The following FAT3 variants were observed in gnomAD, a reference collection of about 807,000 sequenced individuals.
FAT3 encodes the protein FAT atypical cadherin 3, also known as protocadherin Fat 3.
FAT3 carries 95 observed loss-of-function variants against 310.2 expected under a neutral mutation model. The ratio of observed to expected loss-of-function variants is 0.31; its 90% CI spans 0.26 to 0.36. FAT3 has a LOEUF of 0.36. Ranked by LOEUF, FAT3 falls within the 10% of genes least tolerant of loss-of-function variation. FAT3 has a pLI of 1.00. For synonymous variants in FAT3, 2,314 were observed against 2,192.9 expected, an observed-to-expected ratio of 1.06 and a Z score of -1.54; for missense variants, 5,408 against 5,715.6, an observed-to-expected ratio of 0.95 and a Z score of 1.74.
At chr11:92,843,810 A>G (rs1214437801) in intron 18 of FAT3, 124 bp from the exon 19 acceptor site, 2 of 908,988 alleles carry the variant, frequency 2.2e-6, no homozygotes, top group Non-Finnish European at 3.4e-6. Flanking sequence ...TTTTCAGAAT[A>G]GTGGCAAGGA....
At chr11:92,255,431 C>G (rs1321369794) in intron 1 of FAT3, among the ~76,000 whole-genome samples, 1 of 151,666 alleles carries the variant, frequency 6.6e-6, no homozygotes, top group Non-Finnish European at 1.5e-5. Context: ...TACTCACTCC[C>G]TAGCACAGTC....
chr11:92,834,911 A>C lies in FAT3; in HGVS notation c.9913A>C (p.Lys3305Gln). 1.2e-6 allele frequency: 2 copies of C among 1,612,868 alleles called. No homozygotes were observed. Among genetic ancestry groups the C allele is most frequent in the Admixed American group, 1.7e-5 (1 of 59,908 alleles). Residue 3305 changes from lysine to glutamine, a missense_variant, in exon 15 of 28, where the codon AAA becomes CAA. Lys to Gln is a moderately conservative substitution (Grantham distance 53, BLOSUM62 1). This residue lies in a region of FAT3 where 4,588 missense variants were observed against 4,809.8 expected (regional missense o/e 0.95). Transcript: ENST00000525166. ...VSEVLDYELC[K>Q]RFYLVVEAKD... ...TGAAGTCCTGGACTATGAATTATGC[A>C]AAAGGTTTTACCTGGTAGTGGAAGC... is the stretch of plus-strand genomic sequence containing the variant.
At position 92,354,792 on chromosome 11, in the gene FAT3, C is replaced by T. The variant is rs1175548368; in HGVS notation, c.2680C>T (p.Arg894Trp). 1.4e-5 allele frequency: 23 copies of T among 1,613,832 alleles called. No individual in the cohort carries two copies. Among genetic ancestry groups the T allele is most frequent in the South Asian group, 3.3e-5 (3 of 91,078 alleles). The change falls in exon 2 of 28, where the codon CGG becomes TGG. Residue 894 changes from arginine to tryptophan, a missense_variant. By Grantham distance (101) the Arg-to-Trp change is moderately radical. Coordinates refer to ENST00000525166, the MANE Select transcript of FAT3 (RefSeq NM_001367949.2). Reference protein sequence around the residue: ...GIVYVADQLDRESKANYSLKI... With the variant: ...GIVYVADQLDWESKANYSLKI... Reference sequence around the variant, plus strand: ...CGTTTATGTAGCCGACCAGTTGGACCGGGAATCCAAAGCCAATTATTCTTT... The same window carrying T: ...CGTTTATGTAGCCGACCAGTTGGACTGGGAATCCAAAGCCAATTATTCTTT...
chr11:92,570,601 A>G (rs1426488251), intron 3 of FAT3, among the ~76,000 whole-genome samples: 3 of 152,306 alleles, frequency 2.0e-5, no homozygotes, highest in East Asian at 1.9e-4. Flanking sequence ...AAGAAAACCT[A>G]TAGGTAAGAT....
Position 92,800,662 on chromosome 11 carries a change from G to C in FAT3, c.7649G>C (p.Gly2550Ala), listed in dbSNP as rs780254083. ...AKDRFLIDSN[G>A]QVITTERLDR... ...GATCGATTCCTCATAGACAGCAATGGGCAGGTCATCACCACAGAAAGGCTA... is the reference window on the plus strand; with the variant it reads ...GATCGATTCCTCATAGACAGCAATGCGCAGGTCATCACCACAGAAAGGCTA... The change falls in exon 10 of 28, where the codon GGG (glycine) becomes GCG (alanine). Residue 2550 changes from glycine to alanine, a missense_variant. Gly to Ala is a moderately conservative substitution (Grantham distance 60). Coordinates refer to ENST00000525166, the MANE Select transcript of FAT3 (RefSeq NM_001367949.2). The C allele has an allele frequency of 6.2e-7, 1 of 1,613,652 alleles. No homozygotes were observed. The highest frequency in any genetic ancestry group is 8.5e-7 in the Non-Finnish European group (1 of 1,179,832).
chr11:92,355,180 C>A lies in FAT3; in HGVS notation c.3068C>A (p.Ser1023Tyr). The stretch of plus-strand genomic sequence containing the variant: ...AAAGGGCGGCCTGTCTCTCTGTCAT[C>A]TGTTTCCTTTGTTGAGGTGGAAGTG... ...KDKGRPVSLS[S>Y]VSFVEVEVVD... Residue 1023 changes from serine to tyrosine, a missense_variant, in exon 2 of 28, where the codon TCT becomes TAT. Physicochemically the swap from Ser to Tyr is moderately radical, Grantham distance 144 (BLOSUM62 -2). This residue lies in a region of FAT3 where 4,588 missense variants were observed against 4,809.8 expected (regional missense o/e 0.95). Coordinates refer to ENST00000525166, the MANE Select transcript of FAT3 (RefSeq NM_001367949.2). The A allele has an allele frequency of 1.2e-6, 2 of 1,613,832 alleles. No homozygotes were observed. The highest frequency in any genetic ancestry group is 2.2e-5 in the South Asian group (2 of 91,076).
intron 1 of FAT3, chr11:92,314,307 C>G: frequency 1.0e-6 from 1 of 981,180 alleles, no homozygotes; most frequent in Non-Finnish European, 1.2e-6. Flanking sequence ...AGATGTATTT[C>G]TTCAGGTATG....
At chr11:92,499,723 A>ATGTGTGTGTATGTGTGTGTGTGTATG (rs1952876521) in intron 2 of FAT3, among the ~76,000 whole-genome samples, 15 of 127,830 alleles carry the variant, frequency 1.2e-4, no homozygotes, top group African/African-American at 3.1e-4. Flanking sequence ...ATGTGTGTGT[A>ATGTGTGTGTATGTGTGTGTGTGTATG]TGTGTGTGTG....
In FAT3 at chr11:92,801,741, G is replaced by A. The variant is rs138366702; in HGVS notation, c.8728G>A (p.Val2910Ile). ...ATTCTCTCTTTCCTCCACGGCCTTG[G>A]TCTCTGTCAGAGTGACAGATATAAA... ...EAFSLSSTAL[V>I]SVRVTDINDN... The change falls in exon 10 of 28, where the codon GTC (valine) becomes ATC (isoleucine). Residue 2910 changes from valine to isoleucine, a missense_variant. Transcript: ENST00000525166. 7.4e-6 allele frequency: 12 copies of A among 1,613,918 alleles called. No individual in the cohort carries two copies. The East Asian group carries it at 2.7e-4, about 36-fold the overall frequency.
At chr11:92,753,463 A>G (rs531665503) in intron 4 of FAT3, among the ~76,000 whole-genome samples, 93 of 152,354 alleles carry the variant, frequency 6.1e-4, no homozygotes, top group Middle Eastern at 6.8e-3. Context: ...CTTTTTCTGT[A>G]TAGCTACAAC....
chr11:92,320,814 G>C (rs1947595141), intron 1 of FAT3, among the ~76,000 whole-genome samples: 1 of 151,174 alleles, frequency 6.6e-6, no homozygotes, highest in South Asian at 2.1e-4. Context: ...AGGTTGCAGT[G>C]AGCTGAGATT....
At position 92,524,769 on chromosome 11, in the gene FAT3, A is replaced by G. The variant is rs1953798024; in HGVS notation, c.3428A>G (p.Asp1143Gly). ...EVYIEVEDVN[D>G]NAPLTSEPIY... The stretch of plus-strand genomic sequence containing the variant: ...TACATTGAAGTTGAAGATGTGAATG[A>G]CAATGCCCCGCTGACCTCAGAACCT... Residue 1143 changes from aspartate to glycine, a missense_variant, in exon 3 of 28, where the codon GAC (aspartate) becomes GGC (glycine). This residue lies in a region of FAT3 where 4,588 missense variants were observed against 4,809.8 expected (regional missense o/e 0.95). Coordinates refer to ENST00000525166, the MANE Select transcript of FAT3 (RefSeq NM_001367949.2). The G allele has an allele frequency of 6.2e-7, 1 of 1,613,834 alleles. No homozygotes were observed. The highest frequency in any genetic ancestry group is 8.5e-7 in the Non-Finnish European group (1 of 1,179,842).
At chr11:92,373,939 A>G (rs1949267326) in intron 2 of FAT3, among the ~76,000 whole-genome samples, 1 of 151,752 alleles carries the variant, frequency 6.6e-6, no homozygotes, top group Non-Finnish European at 1.5e-5. Flanking sequence ...TGCCGGTAGC[A>G]TGGGTCAATT....
chr11:92,703,308 G>T (rs1175147234), intron 4 of FAT3, among the ~76,000 whole-genome samples: 4 of 152,202 alleles, frequency 2.6e-5, no homozygotes, highest in African/African-American at 9.6e-5. Flanking sequence ...TTAAAATGAT[G>T]ATAATTTCTG....
intron 1 of FAT3, among the ~76,000 whole-genome samples, chr11:92,247,612 C>A (rs1256150925): frequency 6.6e-6 from 1 of 151,982 alleles, no homozygotes; most frequent in African/African-American, 2.4e-5. Context: ...TGTCTTCCTA[C>A]CAAGCATTAC....
intron 2 of FAT3, among the ~76,000 whole-genome samples, chr11:92,517,513 A>G (rs1463005642): frequency 6.6e-6 from 1 of 152,194 alleles, no homozygotes; most frequent in Non-Finnish European, 1.5e-5. Context: ...CTAAAACCAT[A>G]AAAACCCTAG....
intron 3 of FAT3, among the ~76,000 whole-genome samples, chr11:92,533,005 T>C (rs942759423): frequency 1.3e-5 from 2 of 152,126 alleles, no homozygotes; most frequent in Non-Finnish European, 2.9e-5. Context: ...TGCAGATGCA[T>C]AGGGACTTAG....
intron 25 of FAT3, among the ~76,000 whole-genome samples, chr11:92,888,715 G>A (rs1015228321): frequency 3.9e-5 from 6 of 152,292 alleles, no homozygotes; most frequent in Non-Finnish European, 8.8e-5. Context: ...TTATGTGACC[G>A]TGAAGCCATC....
chr11:92,365,410 A>AT lies in FAT3; in HGVS notation c.3292+10012dup, dbSNP rs145832529. ...AAACAGAGTTTAAATCATTTTTATG[A>AT]TTTTTTCTTCCACTTGCTTCCTTAA... On this transcript the variant is annotated intron_variant, in intron 2 of 27. Transcript: ENST00000525166. Among the ~76,000 whole-genome samples the AT allele has an allele frequency of 5.9e-3, 897 of 152,138 alleles. 8 individuals are homozygous for AT. Among genetic ancestry groups the AT allele is most frequent in the East Asian group, 0.04 (206 of 5,176 alleles).
Sources: gnomAD v4.1 joint callset for allele counts (sites outside exome capture counted in the v4.1 genomes callset) on GRCh38, gnomAD v4.1.1 for gene constraint, gnomAD v4.1.1 regional missense constraint, MANE v1.5 for transcripts, NCBI Gene and HGNC (gene_info 2026-07-23, HGNC 2026-07-21) for gene names.